The following CSMD1 variants were observed in gnomAD, a reference collection of about 807,000 sequenced individuals.
The protein encoded by CSMD1 is CUB and sushi domain-containing protein 1.
Under a neutral mutation model 417.5 loss-of-function variants are expected in CSMD1, and 213 were observed. The observed-to-expected ratio is 0.51, with a 90% CI of 0.46 to 0.57. The LOEUF is 0.57. Among genes scored for constraint, CSMD1 ranks in the 20% least tolerant of loss-of-function variants. The pLI, the probability that CSMD1 is intolerant of heterozygous loss-of-function variation, is 0.00. For missense variants in CSMD1, 6,923 were observed against 4,529.7 expected, an observed-to-expected ratio of 1.53 and a Z score of -15.17; for synonymous variants, 2,862 against 1,736.8, an observed-to-expected ratio of 1.65 and a Z score of -16.11.
chr8:3,924,660 AT>A (rs1043012878), intron 5 of CSMD1, among the ~76,000 whole-genome samples: 3 of 151,552 alleles, frequency 2.0e-5, no homozygotes, highest in African/African-American at 7.3e-5. Flanking sequence ...CACTTCTTTA[AT>A]TTTTTCAGTG....
chr8:4,762,082 T>A (rs17071221), intron 1 of CSMD1, among the ~76,000 whole-genome samples: 6 of 152,060 alleles, frequency 3.9e-5, no homozygotes, highest in Non-Finnish European at 8.8e-5. Context: ...GTAAGTATAG[T>A]AGCTGGTGTT....
chr8:4,401,055 A>G (rs772419353), intron 3 of CSMD1, among the ~76,000 whole-genome samples: 21 of 152,308 alleles, frequency 1.4e-4, no homozygotes, highest in Non-Finnish European at 2.8e-4. Context: ...ATGCAATATG[A>G]TATACTTGAT....
chr8:4,756,624 G>T (rs1185128107), intron 1 of CSMD1, among the ~76,000 whole-genome samples: 2 of 152,102 alleles, frequency 1.3e-5, no homozygotes, highest in African/African-American at 4.8e-5. Flanking sequence ...CTCACTAATT[G>T]TCTCACTCCA....
intron 26 of CSMD1, among the ~76,000 whole-genome samples, chr8:3,265,088 C>T (rs1223303196): frequency 2.0e-5 from 3 of 152,124 alleles, no homozygotes; most frequent in East Asian, 3.9e-4. Flanking sequence ...TGTTGAATAG[C>T]TGCTCTTGTA....
intron 1 of CSMD1, among the ~76,000 whole-genome samples, chr8:4,712,125 C>A (rs1017708960): frequency 2.6e-5 from 4 of 152,164 alleles, no homozygotes; most frequent in African/African-American, 4.8e-5. Context: ...TGGGACTGAC[C>A]GTGGTTGAAG....
rs114378843 is a variant in CSMD1, at chr8:4,238,006, C to T, written c.415+181947G>A. 7.8e-3 allele frequency among the ~76,000 whole-genome samples: 1,185 copies of T among 152,206 alleles called. 11 individuals carry two copies. The highest frequency in any genetic ancestry group is 0.026 in the African/African-American group (1,084 of 41,536). On this transcript the variant is annotated intron_variant, in intron 3 of 69. Transcript: ENST00000635120. ...CAGAGGCATGCACAGGCCTACTGGG[C>T]GGGACGAACCACATCATGTGCTTTC...
At chr8:4,107,058 C>G (rs1264630073) in intron 3 of CSMD1, among the ~76,000 whole-genome samples, 1 of 152,148 alleles carries the variant, frequency 6.6e-6, no homozygotes, top group African/African-American at 2.4e-5. Flanking sequence ...CATCTCCAAG[C>G]AGGCATCCAT....
intron 1 of CSMD1, among the ~76,000 whole-genome samples, chr8:4,740,352 T>C (rs1194577780): frequency 2.0e-5 from 3 of 152,152 alleles, no homozygotes; most frequent in East Asian, 3.9e-4. Flanking sequence ...GCCATTTAAA[T>C]CCAAGGATTT....
intron 1 of CSMD1, among the ~76,000 whole-genome samples, chr8:4,670,733 C>T (rs1805242428): frequency 6.6e-6 from 1 of 152,044 alleles, no homozygotes. Flanking sequence ...AAATAGTTGG[C>T]TCTAAGTGGT....
rs181919833 is a variant in CSMD1 at position 4,483,313 on chromosome 8, C to T, written c.303-63248G>A. Among the ~76,000 whole-genome samples, 18 of 152,260 alleles carry T rather than the reference C, an allele frequency of 1.2e-4. 1 individual carries two copies. The highest frequency in any genetic ancestry group is 7.2e-4 in the Admixed American group (11 of 15,290). The stretch of plus-strand genomic sequence containing the variant: ...CTTTCTTTTGGGAATAGACCAGTCT[C>T]GGATATGTGTTTATCGGCAGCATGA... On this transcript the variant is annotated intron_variant, in intron 2 of 69. Transcript: ENST00000635120.
At chr8:4,541,265 C>T (rs975081846) in intron 2 of CSMD1, among the ~76,000 whole-genome samples, 1 of 152,214 alleles carries the variant, frequency 6.6e-6, no homozygotes, top group African/African-American at 2.4e-5. Context: ...GTTCGTCTCT[C>T]TCATCCCCAG....
At chr8:4,337,587 C>G (rs1455616151) in intron 3 of CSMD1, among the ~76,000 whole-genome samples, 1 of 152,092 alleles carries the variant, frequency 6.6e-6, no homozygotes, top group South Asian at 2.1e-4. Context: ...ATTCTTCAAA[C>G]TCAAAATTCT....
chr8:3,471,827 C>T (rs1452560360), intron 11 of CSMD1, among the ~76,000 whole-genome samples: 1 of 152,144 alleles, frequency 6.6e-6, no homozygotes, highest in Admixed American at 6.6e-5. Context: ...GGAAAGTAAA[C>T]ATACTGTTTT....
intron 2 of CSMD1, among the ~76,000 whole-genome samples, chr8:4,530,017 C>T (rs573584962): frequency 8.4e-4 from 128 of 152,092 alleles, no homozygotes; most frequent in Non-Finnish European, 1.5e-3. Context: ...CGGGTTCATG[C>T]CATTTTCCTG....
chr8:4,213,835 T>C (rs758974802), intron 3 of CSMD1, among the ~76,000 whole-genome samples: 33 of 152,310 alleles, frequency 2.2e-4, no homozygotes, highest in Admixed American at 7.8e-4. Flanking sequence ...GAGACAGTTA[T>C]TGAACCCCAG....
intron 5 of CSMD1, among the ~76,000 whole-genome samples, chr8:3,858,383 T>C (rs1275345739): frequency 6.6e-6 from 1 of 152,166 alleles, no homozygotes; most frequent in Non-Finnish European, 1.5e-5. Context: ...ATAACAATGA[T>C]TTAAAATGAA....
Position 3,054,220 on chromosome 8 carries a change from A to C in CSMD1, c.7475-1573T>G, listed in dbSNP as rs538365931. 3.4e-4 allele frequency among the ~76,000 whole-genome samples: 52 copies of C among 152,362 alleles called. 1 individual carries two copies. Among genetic ancestry groups the C allele is most frequent in the African/African-American group, 1.1e-3 (47 of 41,584 alleles). On this transcript the variant is annotated intron_variant, in intron 49 of 69. Transcript: ENST00000635120. ...AATAAATACAATGGGAAATTGCCAG[A>C]GAAGTAAAAGAAAATGTATTCCCCA...
chr8:4,398,450 G>A (rs1224997375), intron 3 of CSMD1, among the ~76,000 whole-genome samples: 2 of 135,694 alleles, frequency 1.5e-5, no homozygotes, highest in African/African-American at 5.6e-5. Context: ...CTGGAGCGCA[G>A]TGGTGCGATC....
chr8:3,602,862 T>C (rs1354632681), intron 8 of CSMD1, among the ~76,000 whole-genome samples: 1 of 152,284 alleles, frequency 6.6e-6, no homozygotes, highest in Non-Finnish European at 1.5e-5. Context: ...TCATCAACTA[T>C]GTTTTGTATT....
Sources: allele counts gnomAD v4.1 joint callset (sites outside exome capture counted in the v4.1 genomes callset), GRCh38; gene constraint gnomAD v4.1.1; transcripts MANE v1.5; gene names NCBI Gene and HGNC (gene_info 2026-07-23, HGNC 2026-07-21).